PSD3: variants seen among roughly 807,000 people sequenced by gnomAD.
PSD3 encodes PH and SEC7 domain-containing protein 3.
Under a neutral mutation model 105.5 loss-of-function variants are expected in PSD3, and 49 were observed. That is an observed-to-expected ratio of 0.46 (90% CI 0.37 to 0.59). PSD3 has a LOEUF of 0.59. PSD3 is among the 20% of genes least tolerant of loss of function. The probability of loss-of-function intolerance (pLI) is 0.00; values close to 1 mark genes in which losing one functional copy is unlikely to be tolerated. For synonymous variants in PSD3, 557 were observed against 457.8 expected, an observed-to-expected ratio of 1.22 and a Z score of -2.77; for missense variants, 1,561 against 1,263.8, an observed-to-expected ratio of 1.24 and a Z score of -3.57.
At chr8:18,943,390 C>A (rs1586489329) in intron 1 of PSD3, among the ~76,000 whole-genome samples, 1 of 152,050 alleles carries the variant, frequency 6.6e-6, no homozygotes, top group South Asian at 2.1e-4. Flanking sequence ...CTACTAAAAG[C>A]ACAGTAAAGA....
At chr8:18,545,239 C>T (rs1045059621) in intron 15 of PSD3, among the ~76,000 whole-genome samples, 1 of 151,896 alleles carries the variant, frequency 6.6e-6, no homozygotes, top group Non-Finnish European at 1.5e-5. Flanking sequence ...TTAGAAAATA[C>T]CACACATTTT....
chr8:18,705,955 A>T (rs1336124311), intron 9 of PSD3, among the ~76,000 whole-genome samples: 1 of 152,196 alleles, frequency 6.6e-6, no homozygotes, highest in Admixed American at 6.5e-5. Context: ...TTTCCCAAGG[A>T]AAGCTTCCTA....
chr8:18,784,403 C>T (rs1382918427), intron 8 of PSD3, among the ~76,000 whole-genome samples: 1 of 152,198 alleles, frequency 6.6e-6, no homozygotes, highest in East Asian at 1.9e-4. Context: ...GGTTTCTCCA[C>T]ATTCACAACC....
chr8:18,946,895 A>G (rs538074015), intron 1 of PSD3, among the ~76,000 whole-genome samples: 1 of 151,384 alleles, frequency 6.6e-6, no homozygotes, highest in East Asian at 1.9e-4. Context: ...ACAGAGCAAG[A>G]CTCCATCTCA....
chr8:18,610,344 G>A (rs187181623), intron 11 of PSD3, among the ~76,000 whole-genome samples: 20 of 152,322 alleles, frequency 1.3e-4, no homozygotes, highest in Non-Finnish European at 1.5e-5. Flanking sequence ...CCCAGTGGTT[G>A]TACTTCAACC....
intron 2 of PSD3, among the ~76,000 whole-genome samples, chr8:18,879,258 A>G (rs1454343252): frequency 6.6e-6 from 1 of 152,138 alleles, no homozygotes; most frequent in East Asian, 1.9e-4. Flanking sequence ...TGTCTGATAT[A>G]ACAACTTGGC....
chr8:18,939,626 T>A (rs1392486297), intron 1 of PSD3, among the ~76,000 whole-genome samples: 1 of 152,040 alleles, frequency 6.6e-6, no homozygotes, highest in African/African-American at 2.4e-5. Flanking sequence ...GGGATACATA[T>A]ATTATCATAC....
chr8:18,633,789 G>C (rs1807062894), intron 10 of PSD3, among the ~76,000 whole-genome samples: 1 of 152,086 alleles, frequency 6.6e-6, no homozygotes, highest in Non-Finnish European at 1.5e-5. Flanking sequence ...TAACAGGATT[G>C]CTGATTTGAA....
At chr8:18,653,275 A>G (rs564094848) in intron 10 of PSD3, among the ~76,000 whole-genome samples, 1 of 152,280 alleles carries the variant, frequency 6.6e-6, no homozygotes, top group East Asian at 1.9e-4. Context: ...AAATTATACG[A>G]TAACCACTAT....
chr8:18,968,069 G>A (rs1317941573), intron 1 of PSD3, among the ~76,000 whole-genome samples: 1 of 152,116 alleles, frequency 6.6e-6, no homozygotes, highest in Non-Finnish European at 1.5e-5. Flanking sequence ...AGCTCCTCAC[G>A]GTGGCTCCAG....
At chr8:18,667,054 G>A (rs1799510024) in intron 9 of PSD3, among the ~76,000 whole-genome samples, 1 of 152,146 alleles carries the variant, frequency 6.6e-6, no homozygotes. Context: ...GGCTTCAGGA[G>A]TGAAGCTGCA....
intron 14 of PSD3, among the ~76,000 whole-genome samples, chr8:18,567,135 G>C (rs910243118): frequency 1.3e-5 from 2 of 152,086 alleles, no homozygotes; most frequent in African/African-American, 4.8e-5. Context: ...CTTATTATCA[G>C]CCCTCTTTAG....
chr8:18,856,995 G>A (rs142436890), intron 4 of PSD3, among the ~76,000 whole-genome samples: 232 of 152,164 alleles, frequency 1.5e-3, no homozygotes, highest in African/African-American at 5.1e-3. Context: ...CACACTCTTC[G>A]CCACCAACCA....
chr8:18,882,844 T>TACAC (rs1352161005), intron 2 of PSD3, among the ~76,000 whole-genome samples: 2 of 151,532 alleles, frequency 1.3e-5, no homozygotes, highest in Non-Finnish European at 2.9e-5. Context: ...TGTAGATATA[T>TACAC]ATACACACAC....
intron 2 of PSD3, among the ~76,000 whole-genome samples, chr8:18,913,834 C>A (rs1259842004): frequency 6.6e-6 from 1 of 152,038 alleles, no homozygotes; most frequent in African/African-American, 2.4e-5. Flanking sequence ...TTTAAGCACA[C>A]CCCAATGCCA....
At chr8:18,542,289 C>A (rs1800196186) in intron 15 of PSD3, among the ~76,000 whole-genome samples, 1 of 152,186 alleles carries the variant, frequency 6.6e-6, no homozygotes, top group South Asian at 2.1e-4. Flanking sequence ...CTGGAATCTA[C>A]TTGCCTGATC....
intron 2 of PSD3, among the ~76,000 whole-genome samples, chr8:18,914,937 T>G (rs953710571): frequency 6.6e-6 from 1 of 152,138 alleles, no homozygotes; most frequent in Non-Finnish European, 1.5e-5. Context: ...ATCACGTTAC[T>G]TGACTGCAAA....
rs376742108 is a variant in PSD3, at chr8:18,647,232, C to G, written c.2216+8410G>C. 2.4e-3 allele frequency among the ~76,000 whole-genome samples: 370 copies of G among 152,336 alleles called. 2 individuals carry two copies. Among genetic ancestry groups the G allele is most frequent in the African/African-American group, 8.6e-3 (358 of 41,576 alleles). ...AGGAAATGAAAAGCCAAACTACAAA[C>G]TGTTGGTATTTAAAACCACACTTTC... On this transcript the variant is annotated intron_variant, in intron 10 of 15. Transcript: ENST00000327040.
chr8:18,834,665 G>T lies in PSD3; in HGVS notation c.1635-29767C>A, dbSNP rs144350114. Among the ~76,000 whole-genome samples, 613 of 152,284 alleles carry T rather than the reference G, an allele frequency of 4.0e-3. 3 individuals are homozygous for T. The highest frequency in any genetic ancestry group is 0.014 in the African/African-American group (565 of 41,558). ...AACTGAAAGGTCACATAAAGTAGGGGCTGAACTAAGTGGCATGGCACACCA... is the reference window on the plus strand; with the variant it reads ...AACTGAAAGGTCACATAAAGTAGGGTCTGAACTAAGTGGCATGGCACACCA... On this transcript the variant is annotated intron_variant, in intron 4 of 15. Coordinates refer to ENST00000327040, the MANE Select transcript of PSD3 (RefSeq NM_015310.4).
Sources: gnomAD v4.1 joint callset for allele counts (sites outside exome capture counted in the v4.1 genomes callset) on GRCh38, gnomAD v4.1.1 for gene constraint, MANE v1.5 for transcripts, NCBI Gene and HGNC (gene_info 2026-07-23, HGNC 2026-07-21) for gene names.